The following ZP1 variants were observed in gnomAD, a reference collection of about 807,000 sequenced individuals.
ZP1 encodes the protein zona pellucida glycoprotein 1.
In ZP1, 58 loss-of-function variants were observed where a neutral mutation model predicts 67.4. The ratio of observed to expected loss-of-function variants is 0.86; its 90% CI spans 0.70 to 1.07. The LOEUF (loss-of-function observed/expected upper bound fraction) is 1.07. Among genes scored for constraint, ZP1 ranks in the 50% least tolerant of loss-of-function variants. The probability of loss-of-function intolerance (pLI) is 0.00; values close to 1 mark genes in which losing one functional copy is unlikely to be tolerated. For synonymous variants in ZP1, 333 were observed against 332.7 expected, an observed-to-expected ratio of 1.00 and a Z score of -0.01; for missense variants, 759 against 807.3, an observed-to-expected ratio of 0.94 and a Z score of 0.72.
At chr11:60,871,431 G>A (rs112964743) in intron 6 of ZP1, 117 bp downstream of exon 6, 17 of 1,157,744 alleles carry the variant, frequency 1.5e-5, no homozygotes, top group African/African-American at 4.6e-5. Context: ...GCTGTTACCC[G>A]GCTATGTGAT....
At chr11:60,874,390 C>T (rs986594257) in intron 9 of ZP1, among the ~76,000 whole-genome samples, 3 of 152,226 alleles carry the variant, frequency 2.0e-5, no homozygotes, top group Non-Finnish European at 4.4e-5. Flanking sequence ...CCTCCTGCTT[C>T]TGGTCCCGTA....
chr11:60,872,319 CAG>C (rs1222566763), intron 6 of ZP1, among the ~76,000 whole-genome samples: 1 of 152,218 alleles, frequency 6.6e-6, no homozygotes, highest in East Asian at 1.9e-4. Flanking sequence ...CAGAGGTCAA[CAG>C]AGTGCCTAGG....
At chr11:60,873,902 G>A in intron 9 of ZP1, 127 bp downstream of exon 9, 1 of 1,311,032 alleles carries the variant, frequency 7.6e-7, no homozygotes, top group Non-Finnish European at 1.0e-6. Flanking sequence ...GCGTCTACCA[G>A]GTGTCATGGA....
chr11:60,869,430 A>G (rs1360741733), intron 2 of ZP1, 107 bp from the exon 3 acceptor site: 1 of 1,502,722 alleles, frequency 6.7e-7, no homozygotes, highest in African/African-American at 1.4e-5. Context: ...TCCACCATGA[A>G]TCCAGCTCCC....
chr11:60,873,256 G>A lies in ZP1; in HGVS notation c.1207G>A (p.Gly403Ser), dbSNP rs1281635071. ...PPSPAPMTQP[G>S]PLRLELRIAK... ...ATCGCCTGCTCCTATGACCCAGCCC[G>A]GCCCCCTGCGGCTTGAGCTGCGGAT... The change falls in exon 7 of 12, where the codon GGC (glycine) becomes AGC (serine). Residue 403 changes from glycine (G) to serine (S), a missense_variant. Coordinates refer to ENST00000278853, the MANE Select transcript of ZP1 (RefSeq NM_207341.4). The A allele has an allele frequency of 4.4e-6, 7 of 1,592,434 alleles. No homozygotes were observed. Among genetic ancestry groups the A allele is most frequent in the African/African-American group, 1.3e-5 (1 of 74,442 alleles).
intron 10 of ZP1, 36 bp from the exon 11 acceptor site, chr11:60,875,090 CAGG>C (rs764274026): frequency 1.2e-6 from 2 of 1,613,350 alleles, no homozygotes; most frequent in Non-Finnish European, 8.5e-7. Flanking sequence ...GCCACAGGGG[CAGG>C]AGACCAGCCC....
intron 1 of ZP1, among the ~76,000 whole-genome samples, 157 bp downstream of exon 1, chr11:60,867,914 G>C (rs967735779): frequency 2.0e-5 from 3 of 152,340 alleles, no homozygotes; most frequent in South Asian, 4.1e-4. Flanking sequence ...AGGGCAAGGA[G>C]GAGAATCATC....
Position 60,875,019 on chromosome 11 carries a change from G to C in ZP1, c.1654+5G>C, listed in dbSNP as rs1278221220. On this transcript the variant is annotated splice_donor_5th_base_variant and intron_variant, in intron 10 of 11. Coordinates refer to ENST00000278853, the MANE Select transcript of ZP1 (RefSeq NM_207341.4). ...CATGTAGCACTGGCACTACAAGTGAGTCTGGGTTGCGAGTGGTATTTGTTC... is the reference window on the plus strand; with the variant it reads ...CATGTAGCACTGGCACTACAAGTGACTCTGGGTTGCGAGTGGTATTTGTTC... The C allele has an allele frequency of 6.2e-7, 1 of 1,614,264 alleles. No individual in the cohort carries two copies. The highest frequency in any genetic ancestry group is 1.1e-5 in the South Asian group (1 of 91,092).
chr11:60,867,736 ACT>A lies in ZP1; in HGVS notation c.179_180del (p.Leu60ProfsTer7). 1 of 1,613,530 alleles carries A rather than the reference ACT, an allele frequency of 6.2e-7. No individual in the cohort carries two copies. The highest frequency in any genetic ancestry group is 8.5e-7 in the Non-Finnish European group (1 of 1,179,780). On this transcript the variant is annotated frameshift_variant, in exon 1 of 12. Coordinates refer to ENST00000278853, the MANE Select transcript of ZP1 (RefSeq NM_207341.4). LOFTEE classifies it high-confidence loss of function. ...GCTGGTGTTCCCCAGGCCAGGCCAG[ACT>A]CTCCGCTTCAAGGTGGTGGGTGAGT... Reference protein sequence around the residue: ...QLLVFPRPGQTLRFKVVDEFG... With the variant: ...QLLVFPRPGQXLRFKVVDEFG...
intron 6 of ZP1, among the ~76,000 whole-genome samples, chr11:60,872,526 C>T (rs1036129073): frequency 6.6e-5 from 10 of 152,150 alleles, no homozygotes; most frequent in African/African-American, 2.4e-4. Context: ...GCCACCATGG[C>T]CCTTAGGCTA....
chr11:60,875,453 G>A, intron 11 of ZP1, 61 bp from the exon 12 acceptor site: 5 of 1,598,694 alleles, frequency 3.1e-6, no homozygotes, highest in Non-Finnish European at 8.5e-7. Context: ...ACAAAGTTCT[G>A]GGGTGGAGGG....
In ZP1 at chr11:60,869,583, A is replaced by G. The variant is rs761870814; in HGVS notation, c.365A>G (p.Asn122Ser). 18 of 1,613,556 alleles carry G rather than the reference A, an allele frequency of 1.1e-5. No homozygotes were observed. Among genetic ancestry groups the G allele is most frequent in the South Asian group, 6.6e-5 (6 of 91,032 alleles). The change falls in exon 3 of 12, where the codon AAT (asparagine) becomes AGT (serine). Residue 122 changes from asparagine to serine, a missense_variant. Transcript: ENST00000278853. ...GTGTTCATGGAGGCTGTGCTGCCCA[A>G]TGGTCGTGTGGATGTGGCACAAGAC... ...LRVFMEAVLP[N>S]GRVDVAQDAT... is the part of the protein sequence containing the mutation.
rs1482716132 is a variant in ZP1, at chr11:60,873,552, T to A, written c.1418T>A (p.Ile473Asn). ...ANPFQQPQWP[I>N]LSDGCPFKGD... ...CCCTTCCAGCAGCCCCAGTGGCCCA[T>A]CCTGTCAGACGGGTGAGTGCCCCCA... The change falls in exon 8 of 12, where the codon ATC (isoleucine) becomes AAC (asparagine). Residue 473 changes from isoleucine to asparagine, a missense_variant. Physicochemically the swap from Ile to Asn is moderately radical, Grantham distance 149. Transcript: ENST00000278853. The A allele has an allele frequency of 6.2e-7, 1 of 1,612,848 alleles. No individual in the cohort carries two copies. Among genetic ancestry groups the A allele is most frequent in the South Asian group, 1.1e-5 (1 of 91,050 alleles).
rs1409636517 is a variant in ZP1 at position 60,873,320 on chromosome 11, C to T, written c.1240+31C>T. The stretch of plus-strand genomic sequence containing the variant: ...CTATGCTATCCCTGCTCTCTTCTGG[C>T]CCCCACTTCCCTGATGCACAGCCCG... On this transcript the variant is annotated intron_variant, in intron 7 of 11. Coordinates refer to ENST00000278853, the MANE Select transcript of ZP1 (RefSeq NM_207341.4). The T allele has an allele frequency of 1.9e-6, 3 of 1,584,840 alleles. No homozygotes were observed. The South Asian group carries it at 3.4e-5, about 18-fold the overall frequency.
At chr11:60,869,936 T>C (rs1855535206) in intron 3 of ZP1, 36 bp downstream of exon 3, 2 of 1,514,052 alleles carry the variant, frequency 1.3e-6, no homozygotes, top group East Asian at 4.6e-5. Context: ...ACCCTCTGTC[T>C]GGGGACTTCT....
chr11:60,875,298 C>A (rs1256260264), intron 11 of ZP1, 50 bp downstream of exon 11: 1 of 1,574,482 alleles, frequency 6.4e-7, no homozygotes, highest in Non-Finnish European at 8.6e-7. Flanking sequence ...CTCTCAGCCC[C>A]CAAGATTGTG....
chr11:60,874,258 C>G (rs1407375658), intron 9 of ZP1, among the ~76,000 whole-genome samples: 3 of 152,214 alleles, frequency 2.0e-5, no homozygotes, highest in African/African-American at 7.2e-5. Context: ...TAAATCACTG[C>G]CTGTTATTAT....
chr11:60,875,012 C>A lies in ZP1; in HGVS notation c.1652C>A (p.Thr551Lys). 2.5e-6 allele frequency: 4 copies of A among 1,614,258 alleles called. No individual in the cohort carries two copies. Among genetic ancestry groups the A allele is most frequent in the East Asian group, 2.2e-5 (1 of 44,890 alleles). Residue 551 changes from threonine to lysine, a missense_variant and splice_region_variant, in exon 10 of 12, where the codon ACA becomes AAA. Physicochemically the swap from Thr to Lys is moderately conservative, Grantham distance 78. Transcript: ENST00000278853. ...TCSTACSTGT[T>K]RQRRSSGHRN... ...TCCACTGCATGTAGCACTGGCACTA[C>A]AAGTGAGTCTGGGTTGCGAGTGGTA... is the stretch of plus-strand genomic sequence containing the variant.
chr11:60,874,695 ACTTGGAC>A (rs1431828922), intron 9 of ZP1, among the ~76,000 whole-genome samples: 2 of 152,246 alleles, frequency 1.3e-5, no homozygotes, highest in Non-Finnish European at 2.9e-5. Flanking sequence ...TCCACTGCAG[ACTTGGAC>A]CTTGGGGAGC....
Sources: allele counts gnomAD v4.1 joint callset (sites outside exome capture counted in the v4.1 genomes callset), GRCh38; gene constraint gnomAD v4.1.1; transcripts MANE v1.5; gene names NCBI Gene and HGNC (gene_info 2026-07-23, HGNC 2026-07-21).